Variants in FAM178B observed in about 807,000 individuals in gnomAD.
FAM178B encodes protein FAM178B.
A neutral mutation model predicts 91.7 loss-of-function variants in FAM178B; 82 were observed. The observed-to-expected ratio is 0.89, with a 90% CI of 0.75 to 1.07. The LOEUF is 1.07. FAM178B is among the 50% of genes least tolerant of loss of function. FAM178B has a pLI of 0.00. For missense variants in FAM178B, 769 were observed against 846.7 expected (o/e 0.91, Z 1.14); for synonymous variants, 368 against 359.4 (o/e 1.02, Z -0.27).
At chr2:96,897,214 G>A (rs1207821682) in intron 13 of FAM178B, among the ~76,000 whole-genome samples, 1 of 152,046 alleles carries the variant, frequency 6.6e-6, no homozygotes, top group African/African-American at 2.4e-5. Context: ...CCCACTCCCT[G>A]GAATGTAAAC....
rs1262318695 is a variant in FAM178B at position 96,951,371 on chromosome 2, G to C, written c.993+8C>G. 130 of 1,545,286 alleles carry C rather than the reference G, an allele frequency of 8.4e-5. No homozygotes were observed. Among genetic ancestry groups the C allele is most frequent in the Non-Finnish European group, 1.1e-4 (128 of 1,141,844 alleles). On this transcript the variant is annotated splice_region_variant and intron_variant, in intron 7 of 16. Coordinates refer to ENST00000490605, the MANE Select transcript of FAM178B (RefSeq NM_001122646.3). ...CCCGCCACCTAGTGGCAGGCCTGCG[G>C]TCCTCACCTGGAACAGCCACTGGAG...
intron 6 of FAM178B, among the ~76,000 whole-genome samples, chr2:96,955,910 G>C (rs11890407): frequency 0.16 from 24,878 of 152,126 alleles, 3,139 homozygotes; most frequent in African/African-American, 0.35. Flanking sequence ...AGGCGGGGCT[G>C]CCGGGCCTCC....
intron 5 of FAM178B, among the ~76,000 whole-genome samples, chr2:96,966,667 C>T (rs2082147754): frequency 6.6e-6 from 1 of 152,082 alleles, no homozygotes; most frequent in African/African-American, 2.4e-5. Context: ...TTGTGTCCCC[C>T]CAAAATATAT....
intron 12 of FAM178B, among the ~76,000 whole-genome samples, chr2:96,907,673 C>T (rs1244627684): frequency 6.6e-6 from 1 of 152,256 alleles, no homozygotes. Context: ...ATGACTTTTC[C>T]AAACCCGCAG....
intron 1 of FAM178B, among the ~76,000 whole-genome samples, chr2:96,985,790 C>T (rs2153376769): frequency 6.6e-6 from 1 of 152,294 alleles, no homozygotes; most frequent in African/African-American, 2.4e-5. Flanking sequence ...AAGGACTGAG[C>T]TCACAATTTG....
At chr2:96,954,941 C>A (rs953066866) in intron 6 of FAM178B, among the ~76,000 whole-genome samples, 1 of 152,148 alleles carries the variant, frequency 6.6e-6, no homozygotes, top group African/African-American at 2.4e-5. Context: ...GTCCCAACTA[C>A]TTGGGAGGCC....
At chr2:96,927,522 A>G (rs145908694) in intron 9 of FAM178B, among the ~76,000 whole-genome samples, 54 of 152,314 alleles carry the variant, frequency 3.5e-4, no homozygotes, top group South Asian at 1.0e-3. Flanking sequence ...AGGACAACAC[A>G]GCCCTGCTTT....
chr2:96,962,078 G>A (rs2082087921), intron 5 of FAM178B, among the ~76,000 whole-genome samples: 1 of 152,136 alleles, frequency 6.6e-6, no homozygotes, highest in Non-Finnish European at 1.5e-5. Flanking sequence ...GAGGTGGGCG[G>A]ATCACCTGAG....
At chr2:96,941,824 A>G (rs1473903040) in intron 8 of FAM178B, among the ~76,000 whole-genome samples, 1 of 152,236 alleles carries the variant, frequency 6.6e-6, no homozygotes, top group Non-Finnish European at 1.5e-5. Context: ...TCTCGCTGAT[A>G]GAGCTCCTTT....
intron 12 of FAM178B, among the ~76,000 whole-genome samples, chr2:96,908,394 A>T (rs993651183): frequency 2.0e-5 from 3 of 152,190 alleles, no homozygotes; most frequent in African/African-American, 7.2e-5. Flanking sequence ...CATTTATATA[A>T]ATGTTTAAAA....
At chr2:96,938,611 C>T (rs1245339070) in intron 8 of FAM178B, among the ~76,000 whole-genome samples, 1 of 152,204 alleles carries the variant, frequency 6.6e-6, no homozygotes, top group African/African-American at 2.4e-5. Flanking sequence ...GGAGACCCAC[C>T]CACTCATTCA....
chr2:96,982,897 G>A (rs1306667887), intron 1 of FAM178B, among the ~76,000 whole-genome samples: 1 of 151,424 alleles, frequency 6.6e-6, no homozygotes, highest in Non-Finnish European at 1.5e-5. Context: ...TTTTATTTTA[G>A]AGATATAGTC....
intron 14 of FAM178B, among the ~76,000 whole-genome samples, chr2:96,891,881 C>T (rs988069987): frequency 1.3e-5 from 2 of 152,212 alleles, no homozygotes; most frequent in African/African-American, 2.4e-5. Flanking sequence ...GCAGCCCCAA[C>T]GCTGGGAAAG....
chr2:96,896,013 G>T (rs1412653156), intron 13 of FAM178B, among the ~76,000 whole-genome samples: 1 of 152,212 alleles, frequency 6.6e-6, no homozygotes, highest in African/African-American at 2.4e-5. Context: ...ACCATCTGGG[G>T]CTTCACCCAA....
chr2:96,906,810 C>T (rs567048560), intron 12 of FAM178B, among the ~76,000 whole-genome samples: 13 of 149,334 alleles, frequency 8.7e-5, no homozygotes, highest in African/African-American at 2.7e-4. Context: ...GCAGCTGGGC[C>T]GGGAACACAG....
chr2:96,951,381 G>A lies in FAM178B; in HGVS notation c.991C>T (p.Gln331Ter). The A allele has an allele frequency of 6.5e-7, 1 of 1,549,698 alleles. No homozygotes were observed. The highest frequency in any genetic ancestry group is 8.7e-7 in the Non-Finnish European group (1 of 1,145,528). Residue 331 changes from glutamine (Q) to a stop codon, truncating the protein, a stop_gained and splice_region_variant, in exon 7 of 17, where the codon CAG becomes TAG. Transcript: ENST00000490605. LOFTEE classifies it high-confidence loss of function. ...CPVSLLQWLF[Q>*]LLTWPPETSL... ...AGTGGCAGGCCTGCGGTCCTCACCT[G>A]GAACAGCCACTGGAGCAGGGATACC...
chr2:96,896,191 G>A (rs1184787034), intron 13 of FAM178B, among the ~76,000 whole-genome samples: 1 of 152,190 alleles, frequency 6.6e-6, no homozygotes. Flanking sequence ...TCCCTGCTAC[G>A]GGAGGCCTGG....
intron 12 of FAM178B, among the ~76,000 whole-genome samples, chr2:96,911,082 T>C (rs1235505752): frequency 6.6e-6 from 1 of 152,114 alleles, no homozygotes; most frequent in Admixed American, 6.6e-5. Flanking sequence ...AATCTTTTTT[T>C]TTAAGTTCTA....
intron 1 of FAM178B, among the ~76,000 whole-genome samples, chr2:96,979,255 G>A (rs925014415): frequency 4.3e-4 from 63 of 145,756 alleles, no homozygotes; most frequent in African/African-American, 1.4e-3. Flanking sequence ...GATTACAGGC[G>A]TGAGCCACTG....
Sources: allele counts gnomAD v4.1 joint callset (sites outside exome capture counted in the v4.1 genomes callset), GRCh38; gene constraint gnomAD v4.1.1; transcripts MANE v1.5; gene names NCBI Gene and HGNC (gene_info 2026-07-23, HGNC 2026-07-21).